ATP8B4: variants seen among roughly 807,000 people sequenced by gnomAD.
ATP8B4 encodes probable phospholipid-transporting ATPase IM.
ATP8B4 carries 133 observed loss-of-function variants against 145.6 expected under a neutral mutation model. The observed-to-expected ratio is 0.91, with a 90% confidence interval of 0.79 to 1.05. The LOEUF (loss-of-function observed/expected upper bound fraction) is 1.05, where lower values mean the gene tolerates loss of function less well. Among genes scored for constraint, ATP8B4 ranks in the 50% least tolerant of loss-of-function variants. The pLI is 0.00. For missense variants in ATP8B4, 1,458 were observed against 1,425.2 expected, an observed-to-expected ratio of 1.02 and a Z score of -0.37; for synonymous variants, 507 against 492.9, an observed-to-expected ratio of 1.03 and a Z score of -0.38.
rs532177064 is a variant in ATP8B4, at chr15:49,883,763, C to CT, written c.2698-4305dup. 1.2e-3 allele frequency among the ~76,000 whole-genome samples: 178 copies of CT among 152,050 alleles called. 1 individual carries two copies. The highest frequency in any genetic ancestry group is 4.2e-3 in the African/African-American group (175 of 41,456). On this transcript the variant is annotated intron_variant, in intron 23 of 27. Transcript: ENST00000284509. ...TGTACCCAATAAATACATATACCTA[C>CT]TATGTACCCACAATTTTTTTAAATT...
intron 3 of ATP8B4, among the ~76,000 whole-genome samples, chr15:50,059,311 C>T (rs916479006): frequency 6.6e-6 from 1 of 152,146 alleles, no homozygotes; most frequent in African/African-American, 2.4e-5. Context: ...CTCACTAGGC[C>T]AGATCCTCTA....
chr15:50,091,673 A>G (rs901723136), intron 2 of ATP8B4, among the ~76,000 whole-genome samples: 29 of 152,274 alleles, frequency 1.9e-4, no homozygotes, highest in African/African-American at 5.8e-4. Flanking sequence ...ACTAATTAAT[A>G]TATTGATTGA....
At chr15:49,962,077 A>AT in intron 13 of ATP8B4, 57 bp from the exon 14 acceptor site, 1 of 1,367,870 alleles carries the variant, frequency 7.3e-7, no homozygotes, top group Non-Finnish European at 1.0e-6. Context: ...AGAATTAGAC[A>AT]TTTAGTTTTA....
chr15:49,954,268 T>C (rs1567069401), intron 14 of ATP8B4, among the ~76,000 whole-genome samples: 1 of 152,104 alleles, frequency 6.6e-6, no homozygotes, highest in Non-Finnish European at 1.5e-5. Context: ...CGTGTATACA[T>C]ATATCCTATT....
intron 2 of ATP8B4, among the ~76,000 whole-genome samples, chr15:50,106,061 C>A (rs1270607384): frequency 6.6e-6 from 1 of 152,120 alleles, no homozygotes; most frequent in Non-Finnish European, 1.5e-5. Context: ...CATTATGAGA[C>A]TAAATGTTGC....
chr15:50,091,026 CT>C (rs1489241200), intron 2 of ATP8B4, among the ~76,000 whole-genome samples: 1 of 151,846 alleles, frequency 6.6e-6, no homozygotes, highest in Non-Finnish European at 1.5e-5. Flanking sequence ...CTTTTAGGTG[CT>C]TTTAAAAAAA....
rs569041376 is a variant in ATP8B4 at position 50,012,329 on chromosome 15, G to A, written c.363-1412C>T. Among the ~76,000 whole-genome samples the A allele has an allele frequency of 2.6e-5, 4 of 152,270 alleles. No individual in the cohort carries two copies. The South Asian group carries it at 8.3e-4, about 32-fold the overall frequency. Reference sequence around the variant, plus strand: ...GGCTATTGTGTCATTTTTGGAAACTGCACTGCTACCAAATTGCCTTGAAGT... The same window carrying A: ...GGCTATTGTGTCATTTTTGGAAACTACACTGCTACCAAATTGCCTTGAAGT... On this transcript the variant is annotated intron_variant, in intron 6 of 27. Coordinates refer to ENST00000284509, the MANE Select transcript of ATP8B4 (RefSeq NM_024837.4).
At chr15:50,099,173 C>T (rs1276667949) in intron 2 of ATP8B4, among the ~76,000 whole-genome samples, 1 of 152,204 alleles carries the variant, frequency 6.6e-6, no homozygotes, top group Non-Finnish European at 1.5e-5. Flanking sequence ...TAATTATGTA[C>T]TTCTTTTGCT....
intron 2 of ATP8B4, among the ~76,000 whole-genome samples, chr15:50,099,144 C>A (rs1484118067): frequency 6.6e-6 from 1 of 152,142 alleles, no homozygotes; most frequent in Non-Finnish European, 1.5e-5. Flanking sequence ...AACAGCTAAG[C>A]TGGTTTAAAG....
At chr15:49,938,222 C>CTATAAAGTAA (rs1235855605) in intron 14 of ATP8B4, among the ~76,000 whole-genome samples, 21 of 152,134 alleles carry the variant, frequency 1.4e-4, no homozygotes, top group African/African-American at 4.8e-4. Flanking sequence ...AGAACTACCA[C>CTATAAAGTAA]ACAATAGAAA....
chr15:49,972,522 G>T, intron 13 of ATP8B4, 60 bp downstream of exon 13: 1 of 1,520,940 alleles, frequency 6.6e-7, no homozygotes, highest in Non-Finnish European at 8.9e-7. Flanking sequence ...TTTTTAATGG[G>T]GTCAGTTATT....
At chr15:49,876,843 C>T (rs1179597922) in intron 24 of ATP8B4, 2 of 440,460 alleles carry the variant, frequency 4.5e-6, no homozygotes, top group Non-Finnish European at 8.6e-6. Context: ...CTACACTCTC[C>T]TGCAGGCTGT....
At chr15:50,091,631 TGACTA>T (rs2055617609) in intron 2 of ATP8B4, among the ~76,000 whole-genome samples, 1 of 152,312 alleles carries the variant, frequency 6.6e-6, no homozygotes, top group Admixed American at 6.5e-5. Context: ...TTATGTGTCC[TGACTA>T]AAGTTTAGCT....
At chr15:49,981,179 G>A in intron 11 of ATP8B4, 27 bp downstream of exon 11, 2 of 1,472,094 alleles carry the variant, frequency 1.4e-6, no homozygotes, top group Non-Finnish European at 1.9e-6. Context: ...ACAATGACTA[G>A]TGATATTGCC....
intron 9 of ATP8B4, among the ~76,000 whole-genome samples, chr15:49,995,291 G>A (rs897162835): frequency 1.8e-4 from 28 of 152,132 alleles, no homozygotes; most frequent in African/African-American, 6.3e-4. Flanking sequence ...ATATTTAGAT[G>A]GCCTTTTTGG....
At chr15:50,020,086 C>A (rs2049418745) in intron 6 of ATP8B4, among the ~76,000 whole-genome samples, 1 of 151,984 alleles carries the variant, frequency 6.6e-6, no homozygotes, top group Non-Finnish European at 1.5e-5. Flanking sequence ...TCCTGAGTAG[C>A]TGCAACTGCA....
chr15:49,896,153 G>A (rs1187138517), intron 23 of ATP8B4: 1 of 152,108 alleles, frequency 6.6e-6, no homozygotes, highest in African/African-American at 2.4e-5. Context: ...TTCTACTTCT[G>A]AGTAGCTAAA....
At chr15:50,160,015 CTTT>C (rs35773416) in intron 1 of ATP8B4, among the ~76,000 whole-genome samples, 6 of 20,078 alleles carry the variant, frequency 3.0e-4, no homozygotes, top group South Asian at 3.4e-3. Flanking sequence ...CAGGTCCTGG[CTTT>C]TTTTTTTTTT....
In ATP8B4 at chr15:49,968,715, C is replaced by T. The variant is rs1275038669; in HGVS notation, c.1243+3867G>A. ...TCATTGTCAATATTAGACAGATCAA[C>T]GAGACAGAAAATTAACAAGGATATT... On this transcript the variant is annotated intron_variant, in intron 13 of 27. Coordinates refer to ENST00000284509, the MANE Select transcript of ATP8B4 (RefSeq NM_024837.4). Among the ~76,000 whole-genome samples the T allele has an allele frequency of 4.6e-5, 7 of 152,198 alleles. No homozygotes were observed. The East Asian group carries it at 5.8e-4, about 13-fold the overall frequency.
Sources: allele counts gnomAD v4.1 joint callset (sites outside exome capture counted in the v4.1 genomes callset), GRCh38; gene constraint gnomAD v4.1.1; transcripts MANE v1.5; gene names NCBI Gene and HGNC (gene_info 2026-07-23, HGNC 2026-07-21).